LSAMP: variants seen among roughly 807,000 people sequenced by gnomAD.
LSAMP encodes limbic system-associated membrane protein.
A neutral mutation model predicts 38.6 loss-of-function variants in LSAMP; 7 were observed. The ratio of observed to expected loss-of-function variants is 0.18; its 90% CI spans 0.10 to 0.34. LSAMP has a LOEUF of 0.34. Among genes scored for constraint, LSAMP ranks in the 10% least tolerant of loss-of-function variants. The probability of loss-of-function intolerance (pLI) is 1.00; values close to 1 mark genes in which losing one functional copy is unlikely to be tolerated. For synonymous variants in LSAMP, 154 were observed against 166.8 expected, an observed-to-expected ratio of 0.92 and a Z score of 0.59; for missense variants, 313 against 420.0, an observed-to-expected ratio of 0.75 and a Z score of 2.23.
At chr3:115,927,106 T>C (rs1454537353) in intron 3 of LSAMP, among the ~76,000 whole-genome samples, 2 of 152,196 alleles carry the variant, frequency 1.3e-5, no homozygotes, top group African/African-American at 4.8e-5. Flanking sequence ...ATGGTACTCT[T>C]CTTTATGGGA....
At chr3:115,975,702 TG>T (rs1275589900) in intron 3 of LSAMP, among the ~76,000 whole-genome samples, 2 of 152,174 alleles carry the variant, frequency 1.3e-5, no homozygotes, top group Admixed American at 6.5e-5. Context: ...AAGCATTGAC[TG>T]TTTTTTTCCC....
chr3:116,131,890 C>T (rs540853560), intron 1 of LSAMP, among the ~76,000 whole-genome samples: 59 of 150,404 alleles, frequency 3.9e-4, no homozygotes, highest in African/African-American at 1.2e-3. Context: ...TGCAGTGGTG[C>T]GATGTCAGCT....
intron 3 of LSAMP, among the ~76,000 whole-genome samples, chr3:115,921,327 T>C (rs959778858): frequency 6.6e-5 from 10 of 152,014 alleles, no homozygotes; most frequent in African/African-American, 2.4e-4. Flanking sequence ...GCATTGATTC[T>C]TTTCTCATTT....
intron 3 of LSAMP, among the ~76,000 whole-genome samples, chr3:115,959,379 G>A (rs545419565): frequency 1.3e-5 from 2 of 152,244 alleles, no homozygotes; most frequent in South Asian, 4.2e-4. Context: ...AAGTGAAGAG[G>A]CTGCATAGGG....
chr3:116,040,398 G>A (rs1302487814), intron 2 of LSAMP, among the ~76,000 whole-genome samples: 6 of 152,166 alleles, frequency 3.9e-5, no homozygotes, highest in African/African-American at 1.4e-4. Flanking sequence ...AGAAATGACT[G>A]CTATCTGTGT....
chr3:116,310,713 A>C (rs982418484), intron 1 of LSAMP, among the ~76,000 whole-genome samples: 26 of 152,148 alleles, frequency 1.7e-4, no homozygotes, highest in African/African-American at 6.0e-4. Context: ...CTAATAAATG[A>C]TGCCTAAAGA....
intron 3 of LSAMP, among the ~76,000 whole-genome samples, chr3:115,867,401 T>G (rs768133730): frequency 2.6e-5 from 4 of 152,080 alleles, no homozygotes. Flanking sequence ...TGGGAAAAAC[T>G]TCACAATTTC....
At chr3:116,400,091 T>C in intron 1 of LSAMP, among the ~76,000 whole-genome samples, 1 of 152,222 alleles carries the variant, frequency 6.6e-6, no homozygotes, top group East Asian at 1.9e-4. Context: ...AGTAATACTT[T>C]CTACAAATCT....
chr3:116,141,962 G>A (rs1017633596), intron 1 of LSAMP, among the ~76,000 whole-genome samples: 2 of 151,998 alleles, frequency 1.3e-5, no homozygotes, highest in Admixed American at 6.6e-5. Context: ...AGCAGCTGAT[G>A]AGTCAGTTCC....
At chr3:115,820,966 T>G (rs1559835811) in intron 6 of LSAMP, among the ~76,000 whole-genome samples, 1 of 152,220 alleles carries the variant, frequency 6.6e-6, no homozygotes, top group Non-Finnish European at 1.5e-5. Flanking sequence ...TCTGGAGGGC[T>G]GAGCTTTATT....
intron 1 of LSAMP, among the ~76,000 whole-genome samples, chr3:116,270,125 G>A (rs1365676935): frequency 6.6e-6 from 1 of 152,040 alleles, no homozygotes; most frequent in African/African-American, 2.4e-5. Flanking sequence ...GTTTTATTTT[G>A]TGTTTTCCAA....
chr3:115,842,340 G>A (rs963902366), intron 5 of LSAMP, 118 bp downstream of exon 5: 100 of 1,308,458 alleles, frequency 7.6e-5, no homozygotes, highest in Non-Finnish European at 9.2e-5. Flanking sequence ...AAAAGGAAGA[G>A]TGTGAGAATA....
chr3:116,149,419 TA>T (rs999219622), intron 1 of LSAMP, among the ~76,000 whole-genome samples: 12 of 152,006 alleles, frequency 7.9e-5, no homozygotes, highest in Non-Finnish European at 1.8e-4. Flanking sequence ...AGAAGGATTT[TA>T]CAGTCCCTTT....
At chr3:116,190,126 C>G (rs1460448540) in intron 1 of LSAMP, among the ~76,000 whole-genome samples, 1 of 151,570 alleles carries the variant, frequency 6.6e-6, no homozygotes, top group South Asian at 2.1e-4. Flanking sequence ...CACACACACA[C>G]ACATGCATTA....
intron 3 of LSAMP, among the ~76,000 whole-genome samples, chr3:115,855,604 AAACC>A (rs1935481690): frequency 6.6e-6 from 1 of 152,196 alleles, no homozygotes. Context: ...CTCAAGGTGC[AAACC>A]AACTATCGGC....
At chr3:115,921,781 C>T (rs947535975) in intron 3 of LSAMP, among the ~76,000 whole-genome samples, 47 of 151,924 alleles carry the variant, frequency 3.1e-4, no homozygotes, top group African/African-American at 1.1e-3. Flanking sequence ...ATGCAATGTC[C>T]TTATTTCTGT....
intron 1 of LSAMP, among the ~76,000 whole-genome samples, chr3:116,385,453 A>G (rs1215124908): frequency 6.6e-6 from 1 of 152,204 alleles, no homozygotes; most frequent in Non-Finnish European, 1.5e-5. Context: ...ACTCTTAAAG[A>G]TGCAAGGAAA....
intron 2 of LSAMP, among the ~76,000 whole-genome samples, chr3:116,033,264 T>A (rs1272236317): frequency 6.6e-6 from 1 of 152,092 alleles, no homozygotes; most frequent in Middle Eastern, 3.2e-3. Context: ...GGCATGGCGA[T>A]GATGGTGAGA....
chr3:116,347,054 A>G (rs1304733672), intron 1 of LSAMP, among the ~76,000 whole-genome samples: 1 of 152,218 alleles, frequency 6.6e-6, no homozygotes, highest in Non-Finnish European at 1.5e-5. Flanking sequence ...CAGAAAACCA[A>G]CTATATACAA....
Sources: allele counts gnomAD v4.1 joint callset (sites outside exome capture counted in the v4.1 genomes callset), GRCh38; gene constraint gnomAD v4.1.1; transcripts MANE v1.5; gene names NCBI Gene and HGNC (gene_info 2026-07-23, HGNC 2026-07-21).